The following RBFOX3 variants were observed in gnomAD, a reference collection of about 807,000 sequenced individuals.
RBFOX3 encodes the protein RNA binding fox-1 homolog 3, also known as RNA binding protein fox-1 homolog 3.
Under a neutral mutation model 48.7 loss-of-function variants are expected in RBFOX3, and 17 were observed. The observed-to-expected ratio is 0.35, with a 90% CI of 0.24 to 0.52. The LOEUF is 0.52. Among genes scored for constraint, RBFOX3 ranks in the 20% least tolerant of loss-of-function variants. The pLI is 0.94. For synonymous variants in RBFOX3, 212 were observed against 209.5 expected, an observed-to-expected ratio of 1.01 and a Z score of -0.10; for missense variants, 382 against 497.5, an observed-to-expected ratio of 0.77 and a Z score of 2.21.
At chr17:79,568,877 G>T (rs2092563337) in intron 1 of RBFOX3, among the ~76,000 whole-genome samples, 1 of 152,086 alleles carries the variant, frequency 6.6e-6, no homozygotes, top group Admixed American at 6.6e-5. Context: ...ACCTGAGTCA[G>T]CGAGACCCCT....
At chr17:79,487,518 G>A (rs1244983193) in intron 1 of RBFOX3, among the ~76,000 whole-genome samples, 1 of 152,174 alleles carries the variant, frequency 6.6e-6, no homozygotes, top group African/African-American at 2.4e-5. Flanking sequence ...CCCCGTCAGT[G>A]TTTGCTCACT....
chr17:79,429,835 G>A (rs886871865), intron 2 of RBFOX3, among the ~76,000 whole-genome samples: 13 of 152,312 alleles, frequency 8.5e-5, no homozygotes, highest in Middle Eastern at 6.8e-3. Context: ...TCTTCTTTTG[G>A]GAGGAAGGGG....
At chr17:79,383,031 AACACACACACACACACAC>A (rs60851419) in intron 2 of RBFOX3, among the ~76,000 whole-genome samples, 54 of 141,392 alleles carry the variant, frequency 3.8e-4, no homozygotes, top group African/African-American at 1.3e-3. Context: ...CTGCCTCTCA[AACACACACACACACACAC>A]ACACACACAC....
chr17:79,541,705 G>C (rs782819257), intron 1 of RBFOX3, among the ~76,000 whole-genome samples: 4 of 152,222 alleles, frequency 2.6e-5, no homozygotes, highest in Admixed American at 6.5e-5. Flanking sequence ...GCCCACCCCG[G>C]CTCCTGGCAA....
chr17:79,291,363 C>T (rs1414615094), intron 3 of RBFOX3, among the ~76,000 whole-genome samples: 2 of 152,180 alleles, frequency 1.3e-5, no homozygotes, highest in African/African-American at 4.8e-5. Context: ...AGCTAGGTTA[C>T]AGTGTGAGAG....
chr17:79,560,286 T>C (rs1035793241), intron 1 of RBFOX3, among the ~76,000 whole-genome samples: 1 of 152,052 alleles, frequency 6.6e-6, no homozygotes. Flanking sequence ...AGCCTAAGAA[T>C]GCCCAGCTCT....
At chr17:79,565,584 G>A (rs973871989) in intron 1 of RBFOX3, among the ~76,000 whole-genome samples, 4 of 152,064 alleles carry the variant, frequency 2.6e-5, no homozygotes, top group African/African-American at 4.8e-5. Context: ...CAATTGATCC[G>A]CCCACCTTGG....
chr17:79,162,047 C>G (rs1414741089), intron 4 of RBFOX3, among the ~76,000 whole-genome samples: 4 of 152,172 alleles, frequency 2.6e-5, no homozygotes, highest in Admixed American at 1.3e-4. Context: ...CTTCTGCCCC[C>G]AGCTGCCCCT....
chr17:79,440,558 C>A (rs185926716), intron 2 of RBFOX3, among the ~76,000 whole-genome samples: 6 of 152,298 alleles, frequency 3.9e-5, no homozygotes, highest in Admixed American at 6.5e-5. Context: ...CACAGCAGTG[C>A]CCTCTTCAGA....
At chr17:79,107,835 C>T (rs2077695127) in intron 5 of RBFOX3, among the ~76,000 whole-genome samples, 1 of 152,188 alleles carries the variant, frequency 6.6e-6, no homozygotes. Context: ...GTGGGTGGCA[C>T]AGGAGCACCA....
intron 2 of RBFOX3, among the ~76,000 whole-genome samples, chr17:79,320,308 G>A (rs34880369): frequency 0.017 from 2,552 of 152,270 alleles, 36 homozygotes; most frequent in Middle Eastern, 0.041. Context: ...AGGACCAGAG[G>A]GGCATTGCTG....
chr17:79,286,366 C>T (rs562914103), intron 3 of RBFOX3, among the ~76,000 whole-genome samples: 21 of 152,286 alleles, frequency 1.4e-4, no homozygotes, highest in African/African-American at 4.3e-4. Flanking sequence ...TGCAGTTCTG[C>T]CCCAGAAGTA....
At chr17:79,115,192 G>A (rs2033529372) in intron 5 of RBFOX3, among the ~76,000 whole-genome samples, 2 of 152,240 alleles carry the variant, frequency 1.3e-5, no homozygotes, top group South Asian at 2.1e-4. Context: ...AGGGAAGCCA[G>A]GCCCAGGCGG....
At chr17:79,408,124 A>G (rs1193812958) in intron 2 of RBFOX3, among the ~76,000 whole-genome samples, 2 of 152,070 alleles carry the variant, frequency 1.3e-5, no homozygotes, top group Non-Finnish European at 2.9e-5. Flanking sequence ...TGGTCTGTGA[A>G]GTGGGGGGAG....
intron 4 of RBFOX3, chr17:79,136,332 T>G (rs1351823044): frequency 2.0e-5 from 3 of 152,256 alleles, no homozygotes; most frequent in Non-Finnish European, 4.4e-5. Context: ...GTTGCACCCC[T>G]ATGTAAGGTG....
intron 9 of RBFOX3, chr17:79,100,047 A>T (rs1203457324): frequency 1.3e-5 from 2 of 152,262 alleles, no homozygotes; most frequent in Non-Finnish European, 2.9e-5. Flanking sequence ...CTTGCTGCAA[A>T]GGTGGGCAAA....
chr17:79,626,448 G>A, the RBFOX3 span, among the ~76,000 whole-genome samples: 4 of 152,246 alleles, frequency 2.6e-5, no homozygotes, highest in Admixed American at 1.3e-4. Flanking sequence ...CTGCAGGGAA[G>A]GAATGGGCTT....
At chr17:79,273,575 G>GT (rs1266808178) in intron 3 of RBFOX3, among the ~76,000 whole-genome samples, 2 of 141,794 alleles carry the variant, frequency 1.4e-5, no homozygotes, top group African/African-American at 3.1e-5. Flanking sequence ...CTCTGGGGGG[G>GT]GCGGGGGCGG....
In RBFOX3 at chr17:79,097,756, G is replaced by A; in HGVS notation, c.569-11C>T. 1.3e-6 allele frequency: 2 copies of A among 1,549,340 alleles called. No individual in the cohort carries two copies. Among genetic ancestry groups the A allele is most frequent in the Non-Finnish European group, 1.7e-6 (2 of 1,145,650 alleles). On this transcript the variant is annotated splice_polypyrimidine_tract_variant and intron_variant, in intron 9 of 14. Transcript: ENST00000693108. The stretch of plus-strand genomic sequence containing the variant: ...GATTTAGCTTCCAGCCTAAAACAAA[G>A]GCACAGAGACCTAGTCACTGCCTTC...
Sources: gnomAD v4.1 joint callset for allele counts (sites outside exome capture counted in the v4.1 genomes callset) on GRCh38, gnomAD v4.1.1 for gene constraint, MANE v1.5 for transcripts, NCBI Gene and HGNC (gene_info 2026-07-23, HGNC 2026-07-21) for gene names.